FCN3: variants seen among roughly 807,000 people sequenced by gnomAD.
FCN3 encodes ficolin 3.
Under a neutral mutation model 31.5 loss-of-function variants are expected in FCN3, and 28 were observed. That is an observed-to-expected ratio of 0.89 (90% CI 0.66 to 1.22). The LOEUF (loss-of-function observed/expected upper bound fraction) is 1.22, where lower values mean the gene tolerates loss of function less well. Ranked by LOEUF, FCN3 falls within the 50% of genes most tolerant of loss-of-function variation. FCN3 has a pLI of 0.00. For missense variants in FCN3, 351 were observed against 386.8 expected (o/e 0.91, Z 0.78); for synonymous variants, 124 against 147.4 (o/e 0.84, Z 1.15).
intron 3 of FCN3, 42 bp downstream of exon 3, chr1:27,373,923 G>A (rs776317862): frequency 9.5e-6 from 15 of 1,574,346 alleles, no homozygotes; most frequent in South Asian, 7.8e-5. Flanking sequence ...TCCAGGGACA[G>A]AGGCAAAGAA....
rs2016218792 is a variant in FCN3 at position 27,374,804 on chromosome 1, C to T, written c.15G>A (p.Trp5Ter). 1.5e-6 allele frequency: 2 copies of T among 1,373,538 alleles called. No homozygotes were observed. Among genetic ancestry groups the T allele is most frequent in the South Asian group, 2.2e-5 (1 of 45,498 alleles). 85.1% of individuals were successfully genotyped at this position (1,373,538 alleles called of 1,614,324 possible). A position where few individuals can be genotyped will look rare whatever the true frequency, so the allele number is the denominator to read the frequency against. ...GGAGAAGCCACAGGGAGGGCAGGAT[C>T]CACAGTAGATCCATCTTGCTGGGCC... MDLL[W>*]ILPSLWLLLL... is the part of the protein sequence containing the mutation. Residue 5 changes from tryptophan to a stop codon, truncating the protein, a stop_gained, in exon 1 of 8, where the codon TGG becomes TGA. Transcript: ENST00000270879. LOFTEE classifies it high-confidence loss of function.
At position 27,374,043 on chromosome 1, in the gene FCN3, C is replaced by T. The variant is rs41291102; in HGVS notation, c.188-34G>A. 9,410 of 1,599,580 alleles carry T rather than the reference C, an allele frequency of 5.9e-3. 38 individuals are homozygous for T. Among genetic ancestry groups the T allele is most frequent in the Admixed American group, 7.1e-3 (418 of 58,832 alleles). On this transcript the variant is annotated intron_variant, in intron 2 of 7. Transcript: ENST00000270879. ...ACAAAGGCAGAGATTTCCTGAGTCC[C>T]ACCCCATGCCCAGGACCAAAAAGAA...
At chr1:27,373,083 G>A (rs116138824) in intron 5 of FCN3, 53 bp downstream of exon 5, 31 of 1,598,398 alleles carry the variant, frequency 1.9e-5, no homozygotes, top group Non-Finnish European at 2.6e-5. Flanking sequence ...AGGGGCCAAG[G>A]GGGAGAAGTG....
chr1:27,369,173 G>A lies in FCN3; in HGVS notation c.*63C>T. 2 of 1,590,904 alleles carry A rather than the reference G, an allele frequency of 1.3e-6. No individual in the cohort carries two copies. Among genetic ancestry groups the A allele is most frequent in the Non-Finnish European group, 1.7e-6 (2 of 1,162,096 alleles). ...AGGCAAGCAGAGGTGGTTGGCAAAG[G>A]CAAGGTGGCTGACGATCCGGAAGCT... is the stretch of plus-strand genomic sequence containing the variant. On this transcript the variant is annotated 3_prime_UTR_variant, in exon 8 of 8. Coordinates refer to ENST00000270879, the MANE Select transcript of FCN3 (RefSeq NM_003665.4).
chr1:27,373,520 C>T lies in FCN3; in HGVS notation c.233G>A (p.Gly78Glu). The T allele has an allele frequency of 6.2e-7, 1 of 1,614,064 alleles. No individual in the cohort carries two copies. Among genetic ancestry groups the T allele is most frequent in the Non-Finnish European group, 8.5e-7 (1 of 1,179,986 alleles). ...PGKMGPKGEPGDPVNLLRCQE... is the reference protein window; with the variant it reads ...PGKMGPKGEPEDPVNLLRCQE... ...GCACCGGAGCAGGTTCACTGGATCT[C>T]CTGCCCCAGAGAAGGGATGAGTGTT... is the stretch of plus-strand genomic sequence containing the variant. Residue 78 changes from glycine (G) to glutamate (E), a missense_variant and splice_region_variant, in exon 4 of 8, where the codon GGA (glycine) becomes GAA (glutamate). Coordinates refer to ENST00000270879, the MANE Select transcript of FCN3 (RefSeq NM_003665.4).
chr1:27,370,815 A>C, intron 6 of FCN3, 28 bp downstream of exon 6: 1 of 1,612,154 alleles, frequency 6.2e-7, no homozygotes, highest in Non-Finnish European at 8.5e-7. Context: ...AGTAACCCCC[A>C]GACTCCAGGA....
chr1:27,370,453 T>C (rs2016121835), intron 7 of FCN3, 143 bp downstream of exon 7: 1 of 716,388 alleles, frequency 1.4e-6, no homozygotes, highest in East Asian at 2.7e-5. Flanking sequence ...TGTTGCACCA[T>C]CCTGTTTCAT....
intron 1 of FCN3, 99 bp downstream of exon 1, chr1:27,374,629 A>G (rs578224684): frequency 1.3e-6 from 1 of 781,292 alleles, no homozygotes; most frequent in Non-Finnish European, 2.0e-6. Flanking sequence ...AGATTATGAA[A>G]CTCCCACCCT....
At chr1:27,374,070 C>A in intron 2 of FCN3, 61 bp from the exon 3 acceptor site, 1 of 1,478,650 alleles carries the variant, frequency 6.8e-7, no homozygotes, top group Non-Finnish European at 9.3e-7. Context: ...CAAAAAGAAA[C>A]AAGAGACTTG....
rs146328942 is a variant in FCN3 at position 27,369,909 on chromosome 1, G to A, written c.659-432C>T. 5.8e-4 allele frequency among the ~76,000 whole-genome samples: 88 copies of A among 152,116 alleles called. 1 individual carries two copies. In the East Asian group the frequency reaches 9.1e-3, roughly 16 times the overall value. On this transcript the variant is annotated intron_variant, in intron 7 of 7. Transcript: ENST00000270879. ...AATAGTCACTGTTTCTCTGAAAGAA[G>A]ACTTCCGTGGTTCCTCTTCCAAAGC...
Position 27,370,720 on chromosome 1 carries a change from CT to C in FCN3, c.533del (p.Glu178GlyfsTer4), listed in dbSNP as rs745628352. The C allele has an allele frequency of 1.2e-6, 2 of 1,614,014 alleles. No homozygotes were observed. The highest frequency in any genetic ancestry group is 1.7e-6 in the Non-Finnish European group (2 of 1,179,984). On this transcript the variant is annotated frameshift_variant, in exon 7 of 8. Coordinates refer to ENST00000270879, the MANE Select transcript of FCN3 (RefSeq NM_003665.4). LOFTEE classifies it high-confidence loss of function. ...TAAAGTCTTCCAGCTCTACCCGCAG[CT>C]CCCAGTTACCTGGAAAGAAGGGGAG... Reference protein sequence around the residue: ...LHQLTLQGNWELRVELEDFNG... With the variant: ...LHQLTLQGNWXLRVELEDFNG...
Position 27,373,152 on chromosome 1 carries a change from T to G in FCN3, c.377A>C (p.Glu126Ala), listed in dbSNP as rs756463435. The stretch of plus-strand genomic sequence containing the variant: ...GACACTCACCAGCCAGCCGCCCCCC[T>G]CGGTGTCCATGTCACAAAAGACTGG... Reference protein sequence around the residue: ...ALPVFCDMDTEGGGWLVFQRR... With the variant: ...ALPVFCDMDTAGGGWLVFQRR... Residue 126 changes from glutamate to alanine, a missense_variant, in exon 5 of 8, where the codon GAG (glutamate) becomes GCG (alanine). Physicochemically the swap from Glu to Ala is moderately radical, Grantham distance 107. Coordinates refer to ENST00000270879, the MANE Select transcript of FCN3 (RefSeq NM_003665.4). 3.1e-6 allele frequency: 5 copies of G among 1,613,752 alleles called. No individual in the cohort carries two copies. The highest frequency in any genetic ancestry group is 3.3e-5 in the Admixed American group (2 of 59,978).
chr1:27,370,530 T>C (rs2016122624), intron 7 of FCN3, 66 bp downstream of exon 7: 2 of 1,420,352 alleles, frequency 1.4e-6, no homozygotes, highest in Non-Finnish European at 9.9e-7. Context: ...GGGTCATTCA[T>C]GGGGGCAGTG....
At chr1:27,373,421 T>C in intron 4 of FCN3, 67 bp downstream of exon 4, 2 of 1,604,034 alleles carry the variant, frequency 1.2e-6, no homozygotes, top group East Asian at 4.5e-5. Context: ...TTGGCCACAC[T>C]TGGGGGTCTG....
Position 27,374,358 on chromosome 1 carries a change from T to A in FCN3, c.185A>T (p.Gln62Leu). 6 of 1,608,468 alleles carry A rather than the reference T, an allele frequency of 3.7e-6. No individual in the cohort carries two copies. The highest frequency in any genetic ancestry group is 4.3e-6 in the Non-Finnish European group (5 of 1,175,250). Residue 62 changes from glutamine (Q) to leucine (L), a missense_variant and splice_region_variant, in exon 2 of 8, where the codon CAA becomes CTA. Physicochemically the swap from Gln to Leu is moderately radical, Grantham distance 113 (BLOSUM62 -2). Coordinates refer to ENST00000270879, the MANE Select transcript of FCN3 (RefSeq NM_003665.4). ...SPGEKGAPGP[Q>L]GPPGPPGKMG... ...GCCCGCTCCCCAGCCCCTCTCACCTTGAGGACCTGGGGCTCCCTTCTCCCC... is the reference window on the plus strand; with the variant it reads ...GCCCGCTCCCCAGCCCCTCTCACCTAGAGGACCTGGGGCTCCCTTCTCCCC...
intron 5 of FCN3, 53 bp downstream of exon 5, chr1:27,373,083 G>C (rs116138824): frequency 1.8e-5 from 28 of 1,598,280 alleles, no homozygotes; most frequent in Non-Finnish European, 2.0e-5. Context: ...AGGGGCCAAG[G>C]GGGAGAAGTG....
rs749252935 is a variant in FCN3, at chr1:27,369,192, G to A, written c.*44C>T. 2.3e-5 allele frequency: 36 copies of A among 1,599,122 alleles called. No homozygotes were observed. Among genetic ancestry groups the A allele is most frequent in the Middle Eastern group, 1.7e-4 (1 of 6,026 alleles). On this transcript the variant is annotated 3_prime_UTR_variant, in exon 8 of 8. Transcript: ENST00000270879. Reference sequence around the variant, plus strand: ...GCAAAGGCAAGGTGGCTGACGATCCGGAAGCTGTACAGGAGAGATAAGGGC... The same window carrying A: ...GCAAAGGCAAGGTGGCTGACGATCCAGAAGCTGTACAGGAGAGATAAGGGC...
rs1488621657 is a variant in FCN3 at position 27,370,717 on chromosome 1, C to T, written c.537G>A (p.Leu179=). 4 of 1,614,154 alleles carry T rather than the reference C, an allele frequency of 2.5e-6. No individual in the cohort carries two copies. The highest frequency in any genetic ancestry group is 2.2e-5 in the East Asian group (1 of 44,890). Residue 179 remains leucine, a synonymous_variant, in exon 7 of 8, where the codon CTG becomes CTA. Coordinates refer to ENST00000270879, the MANE Select transcript of FCN3 (RefSeq NM_003665.4). ...HQLTLQGNWE[L]RVELEDFNGN... ...CATTAAAGTCTTCCAGCTCTACCCG[C>T]AGCTCCCAGTTACCTGGAAAGAAGG...
chr1:27,373,665 T>C (rs2016193636), intron 3 of FCN3, 145 bp from the exon 4 acceptor site: 2 of 839,160 alleles, frequency 2.4e-6, no homozygotes, highest in Non-Finnish European at 1.9e-6. Context: ...CATCATAGGG[T>C]ACCCAGGCCC....
Sources: gnomAD v4.1 joint callset for allele counts (sites outside exome capture counted in the v4.1 genomes callset) on GRCh38, gnomAD v4.1.1 for gene constraint, MANE v1.5 for transcripts, NCBI Gene and HGNC (gene_info 2026-07-23, HGNC 2026-07-21) for gene names.